The following NAV2 variants were observed in gnomAD, a reference collection of about 807,000 sequenced individuals.
NAV2 encodes neuron navigator 2, also known as helicase, APC down-regulated 1.
Under a neutral mutation model 223.2 loss-of-function variants are expected in NAV2, and 54 were observed. The ratio of observed to expected loss-of-function variants is 0.24; its 90% CI spans 0.19 to 0.30. The LOEUF (loss-of-function observed/expected upper bound fraction) is 0.30, where lower values mean the gene tolerates loss of function less well. Ranked by LOEUF, NAV2 falls within the 10% of genes least tolerant of loss-of-function variation. The pLI, the probability that NAV2 is intolerant of heterozygous loss-of-function variation, is 1.00. For missense variants in NAV2, 2,806 were observed against 3,147.5 expected, an observed-to-expected ratio of 0.89 and a Z score of 2.60; for synonymous variants, 1,279 against 1,239.3, an observed-to-expected ratio of 1.03 and a Z score of -0.67.
At position 20,044,175 on chromosome 11, in the gene NAV2, A is replaced by G; in HGVS notation, c.3102A>G (p.Thr1034=). The part of the protein sequence containing the change: ...SGKKNPVISQ[T]GSWRRGMTAQ... ...AGAAGAATCCTGTCATCTCCCAGAC[A>G]GGCTCATGGCGGCGAGGCATGACAG... The change falls in exon 13 of 38, where the codon ACA becomes ACG. Residue 1034 remains threonine (T), a synonymous_variant. Coordinates refer to ENST00000349880, the MANE Select transcript of NAV2 (RefSeq NM_145117.5). The G allele has an allele frequency of 1.2e-6, 2 of 1,614,232 alleles. No homozygotes were observed. The highest frequency in any genetic ancestry group is 1.1e-5 in the South Asian group (1 of 91,088).
At chr11:19,468,025 G>A (rs1292834129) in intron 1 of NAV2, among the ~76,000 whole-genome samples, 2 of 152,144 alleles carry the variant, frequency 1.3e-5, no homozygotes, top group Admixed American at 6.5e-5. Context: ...TGGGCAGAAG[G>A]AGCTGATGAG....
intron 1 of NAV2, among the ~76,000 whole-genome samples, chr11:19,463,062 C>A (rs1852221491): frequency 1.3e-5 from 2 of 152,182 alleles, no homozygotes; most frequent in Admixed American, 1.3e-4. Context: ...ATCCTGTGTC[C>A]ATTACTATGT....
chr11:19,841,388 C>T (rs2060503636), intron 2 of NAV2, among the ~76,000 whole-genome samples: 1 of 152,066 alleles, frequency 6.6e-6, no homozygotes, highest in Admixed American at 6.5e-5. Flanking sequence ...CACTTTGATT[C>T]TATTATCTTT....
rs1184132173 is a variant in NAV2, at chr11:20,090,657, T to TTA, written c.5499-208_5499-207insTA. The stretch of plus-strand genomic sequence containing the variant: ...TTAACGATTTTAAACATCAGTGGTC[T>TTA]AAATAAACCAATTTAAAGAAGAAAA... On this transcript the variant is annotated intron_variant, in intron 26 of 37. Transcript: ENST00000349880. 3.3e-5 allele frequency among the ~76,000 whole-genome samples: 5 copies of TTA among 152,298 alleles called. No individual in the cohort carries two copies. The East Asian group carries it at 9.6e-4, about 29-fold the overall frequency.
Position 20,049,161 on chromosome 11 carries a change from A to C in NAV2, c.4336A>C (p.Arg1446=). 6.2e-7 allele frequency: 1 copy of C among 1,609,844 alleles called. No homozygotes were observed. The highest frequency in any genetic ancestry group is 1.1e-5 in the South Asian group (1 of 90,062). ...SKDDSLTPFV[R]TNSVKTTLSE... ...GGACGACTCCTTGACTCCCTTTGTC[A>C]GAACTAACAGTGTGAAGACCACACT... The change falls in exon 15 of 38, where the codon AGA becomes CGA. Residue 1446 remains arginine, a synonymous_variant. Transcript: ENST00000349880.
chr11:20,001,088 C>G (rs543568852), intron 11 of NAV2, among the ~76,000 whole-genome samples: 1 of 152,274 alleles, frequency 6.6e-6, no homozygotes, highest in East Asian at 1.9e-4. Context: ...CGCCTCGTCC[C>G]CAACATCTAA....
intron 11 of NAV2, among the ~76,000 whole-genome samples, chr11:19,987,776 T>G (rs2050929996): frequency 6.6e-6 from 1 of 152,244 alleles, no homozygotes; most frequent in African/African-American, 2.4e-5. Flanking sequence ...GGGTTGCCAC[T>G]CCTGGGCTCC....
intron 1 of NAV2, among the ~76,000 whole-genome samples, chr11:19,760,490 C>T (rs970129601): frequency 5.9e-5 from 9 of 152,310 alleles, no homozygotes; most frequent in African/African-American, 7.2e-5. Context: ...CACCAACCAT[C>T]GACTCACAAG....
chr11:19,350,374 T>C (rs1564868014), upstream of NAV2, among the ~76,000 whole-genome samples: 1 of 152,256 alleles, frequency 6.6e-6, no homozygotes, highest in East Asian at 1.9e-4. Flanking sequence ...TCTCCTCAGG[T>C]ATGGGTCTTA....
At chr11:19,802,852 T>C (rs1210652236) in intron 1 of NAV2, among the ~76,000 whole-genome samples, 1 of 152,158 alleles carries the variant, frequency 6.6e-6, no homozygotes, top group Non-Finnish European at 1.5e-5. Flanking sequence ...AAGCCTCAGA[T>C]GCACAAATTT....
intron 1 of NAV2, among the ~76,000 whole-genome samples, chr11:19,552,143 A>G (rs1174474604): frequency 1.3e-5 from 2 of 152,258 alleles, no homozygotes; most frequent in East Asian, 3.9e-4. Flanking sequence ...TTTGGGAGAC[A>G]GGACAGAGCC....
At chr11:19,999,687 A>T (rs2052348965) in intron 11 of NAV2, among the ~76,000 whole-genome samples, 1 of 152,004 alleles carries the variant, frequency 6.6e-6, no homozygotes, top group East Asian at 1.9e-4. Context: ...AATGATTTTA[A>T]CCTATGTGAC....
chr11:19,617,282 A>G (rs1398182701), intron 1 of NAV2, among the ~76,000 whole-genome samples: 1 of 152,166 alleles, frequency 6.6e-6, no homozygotes, highest in African/African-American at 2.4e-5. Context: ...TGCCCTAGTT[A>G]GGTGGGTGTT....
rs79951635 is a variant in NAV2 at position 19,608,637 on chromosome 11, A to G, written c.76-223847A>G. The stretch of plus-strand genomic sequence containing the variant: ...CACACACTCACACACAAGTACTCCC[A>G]TAAAACCTAGTTGTACTGACATTAG... On this transcript the variant is annotated intron_variant, in intron 1 of 37. Transcript: ENST00000360655. Among the ~76,000 whole-genome samples, 877 of 152,398 alleles carry G rather than the reference A, an allele frequency of 5.8e-3. 4 individuals are homozygous for G. Among genetic ancestry groups the G allele is most frequent in the African/African-American group, 0.02 (835 of 41,598 alleles).
intron 10 of NAV2, among the ~76,000 whole-genome samples, chr11:19,956,047 C>T (rs970741897): frequency 1.6e-4 from 24 of 152,126 alleles, no homozygotes; most frequent in Non-Finnish European, 1.5e-4. Flanking sequence ...GCTCTTGGAA[C>T]GCTTGGGAAG....
At chr11:19,386,478 C>T (rs922928077) in intron 1 of NAV2, among the ~76,000 whole-genome samples, 2 of 152,108 alleles carry the variant, frequency 1.3e-5, no homozygotes, top group Non-Finnish European at 1.5e-5. Context: ...TCAGTGAATG[C>T]CTGTTGAATC....
chr11:19,452,164 T>C (rs1851812090), intron 1 of NAV2, among the ~76,000 whole-genome samples: 1 of 151,750 alleles, frequency 6.6e-6, no homozygotes, highest in Non-Finnish European at 1.5e-5. Flanking sequence ...AGATTAATAT[T>C]TCTTCTTCAT....
chr11:19,454,120 T>G (rs1260845597), intron 1 of NAV2, among the ~76,000 whole-genome samples: 1 of 152,118 alleles, frequency 6.6e-6, no homozygotes, highest in Non-Finnish European at 1.5e-5. Flanking sequence ...CCTGGAGGCA[T>G]TGTGATTCAG....
chr11:19,774,636 C>T (rs2055996117), intron 1 of NAV2, among the ~76,000 whole-genome samples: 1 of 152,136 alleles, frequency 6.6e-6, no homozygotes, highest in Non-Finnish European at 1.5e-5. Context: ...ACACATACCC[C>T]AGACAAGGAA....
Sources: gnomAD v4.1 joint callset for allele counts (sites outside exome capture counted in the v4.1 genomes callset) on GRCh38, gnomAD v4.1.1 for gene constraint, MANE v1.5 for transcripts, NCBI Gene and HGNC (gene_info 2026-07-23, HGNC 2026-07-21) for gene names.